The following ARHGEF10 variants were observed in gnomAD, a reference collection of about 807,000 sequenced individuals.
ARHGEF10 encodes the protein Rho guanine nucleotide exchange factor 10, also known as Rho guanine nucleotide exchange factor (GEF) 10.
A neutral mutation model predicts 147.4 loss-of-function variants in ARHGEF10; 140 were observed. The ratio of observed to expected loss-of-function variants is 0.95; its 90% CI spans 0.83 to 1.09. ARHGEF10 has a LOEUF of 1.09. ARHGEF10 is among the 50% of genes least tolerant of loss of function. The pLI is 0.00. For missense variants in ARHGEF10, 2,222 were observed against 1,752.7 expected, an observed-to-expected ratio of 1.27 and a Z score of -4.78; for synonymous variants, 902 against 695.8, an observed-to-expected ratio of 1.30 and a Z score of -4.67.
chr8:1,857,312 T>G (rs1226352037), intron 2 of ARHGEF10, among the ~76,000 whole-genome samples: 1 of 152,198 alleles, frequency 6.6e-6, no homozygotes, highest in Non-Finnish European at 1.5e-5. Context: ...TGGATGATAC[T>G]GAATTCTCTT....
intron 8 of ARHGEF10, among the ~76,000 whole-genome samples, chr8:1,877,480 G>A (rs954388462): frequency 1.3e-5 from 2 of 152,154 alleles, no homozygotes; most frequent in Non-Finnish European, 2.9e-5. Flanking sequence ...TGCCCACCTC[G>A]GCCTCCCAAA....
At chr8:1,849,478 CTGAGGGGGG>C in intron 2 of ARHGEF10, among the ~76,000 whole-genome samples, 2 of 140,306 alleles carry the variant, frequency 1.4e-5, no homozygotes, top group Admixed American at 7.3e-5. Context: ...ACAGCAAATG[CTGAGGGGGG>C]CGTGGGGCAG....
intron 1 of ARHGEF10, among the ~76,000 whole-genome samples, chr8:1,827,953 G>C (rs2129030786): frequency 6.6e-6 from 1 of 152,322 alleles, no homozygotes; most frequent in South Asian, 2.1e-4. Flanking sequence ...ATGGCTGTCT[G>C]CGTAGAATAG....
At chr8:1,894,721 T>C (rs1809833430) in intron 13 of ARHGEF10, 149 bp downstream of exon 13, 1 of 866,294 alleles carries the variant, frequency 1.2e-6, no homozygotes, top group African/African-American at 1.7e-5. Context: ...TGCAATGCCC[T>C]GGCCAAGCGT....
Position 1,951,280 on chromosome 8 carries a change from G to A in ARHGEF10, c.3398-1425G>A, listed in dbSNP as rs58854534. On this transcript the variant is annotated intron_variant, in intron 27 of 28. Coordinates refer to ENST00000349830, the MANE Select transcript of ARHGEF10 (RefSeq NM_014629.4). ...AGCAGCTGGGAATCGCGTACCCTGC[G>A]TATCAGCTTTGAAGCTGCTGCCGTG... is the stretch of plus-strand genomic sequence containing the variant. Among the ~76,000 whole-genome samples the A allele has an allele frequency of 4.0e-3, 613 of 152,364 alleles. 4 individuals carry two copies. Among genetic ancestry groups the A allele is most frequent in the Middle Eastern group, 0.014 (4 of 294 alleles).
chr8:1,869,036 G>A (rs60146165), intron 6 of ARHGEF10, among the ~76,000 whole-genome samples, 158 bp from the exon 7 acceptor site: 2 of 151,724 alleles, frequency 1.3e-5, no homozygotes, highest in East Asian at 1.9e-4. Context: ...TACTAGTTGG[G>A]ACAAAGAACG....
At chr8:1,854,007 G>C (rs1805355822) in intron 2 of ARHGEF10, among the ~76,000 whole-genome samples, 1 of 152,226 alleles carries the variant, frequency 6.6e-6, no homozygotes, top group Non-Finnish European at 1.5e-5. Context: ...TTTCAGCACA[G>C]GGATTTAGGG....
chr8:1,907,147 C>T (rs963584078), intron 17 of ARHGEF10, among the ~76,000 whole-genome samples: 4 of 152,146 alleles, frequency 2.6e-5, no homozygotes, highest in Non-Finnish European at 4.4e-5. Context: ...CTTAGAATTG[C>T]GAGGATGCAG....
rs144054098 is a variant in ARHGEF10 at position 1,926,885 on chromosome 8, G to A, written c.2697+422G>A. Reference sequence around the variant, plus strand: ...TTGCATCTGAAATTAGGCTGGAATTGCAGTAGACGTTCCTGGTTCTTGCAA... The same window carrying A: ...TTGCATCTGAAATTAGGCTGGAATTACAGTAGACGTTCCTGGTTCTTGCAA... On this transcript the variant is annotated intron_variant, in intron 23 of 28. Transcript: ENST00000349830. 1.9e-3 allele frequency: 589 copies of A among 303,602 alleles called. 4 individuals carry two copies. Among genetic ancestry groups the A allele is most frequent in the African/African-American group, 0.012 (540 of 45,038 alleles). 18.8% of individuals were successfully genotyped at this position (303,602 alleles called of 1,614,324 possible).
chr8:1,914,258 G>A (rs1190846514), intron 18 of ARHGEF10, among the ~76,000 whole-genome samples: 1 of 152,338 alleles, frequency 6.6e-6, no homozygotes, highest in Non-Finnish European at 1.5e-5. Context: ...TCCTCATGAG[G>A]CTCCCCTGAG....
At chr8:1,886,254 C>T (rs925198718) in intron 11 of ARHGEF10, among the ~76,000 whole-genome samples, 3 of 152,192 alleles carry the variant, frequency 2.0e-5, no homozygotes, top group African/African-American at 7.2e-5. Flanking sequence ...AGTGACAGCA[C>T]CAAGTTTGCA....
chr8:1,925,799 G>A (rs1418326282), intron 22 of ARHGEF10, among the ~76,000 whole-genome samples: 1 of 152,202 alleles, frequency 6.6e-6, no homozygotes, highest in Non-Finnish European at 1.5e-5. Flanking sequence ...CCCGCTCTTT[G>A]CCTTGGCAGA....
At chr8:1,886,920 G>T (rs750124454) in intron 11 of ARHGEF10, among the ~76,000 whole-genome samples, 6 of 152,166 alleles carry the variant, frequency 3.9e-5, no homozygotes, top group Admixed American at 1.3e-4. Flanking sequence ...ACACGTCCAG[G>T]GGGGTGGTTG....
chr8:1,857,662 C>T (rs985227763), intron 2 of ARHGEF10, among the ~76,000 whole-genome samples: 4 of 152,018 alleles, frequency 2.6e-5, no homozygotes, highest in African/African-American at 9.7e-5. Context: ...TTGTGATCTG[C>T]CCACCTTGGC....
At position 1,898,411 on chromosome 8, in the gene ARHGEF10, ACC is replaced by A; in HGVS notation, c.1558-19_1558-18del. On this transcript the variant is annotated intron_variant, in intron 14 of 28. Coordinates refer to ENST00000349830, the MANE Select transcript of ARHGEF10 (RefSeq NM_014629.4). Reference sequence around the variant, plus strand: ...GGCATGGCAGCCCTGCAGGGAGGTGACCCCGGTGCCTTCCCCCACAGCAGGAA... The same window carrying A: ...GGCATGGCAGCCCTGCAGGGAGGTGACCGGTGCCTTCCCCCACAGCAGGAA... The A allele has an allele frequency of 6.2e-7, 1 of 1,611,394 alleles. No homozygotes were observed. Among genetic ancestry groups the A allele is most frequent in the East Asian group, 2.2e-5 (1 of 44,834 alleles).
intron 26 of ARHGEF10, among the ~76,000 whole-genome samples, 190 bp from the exon 27 acceptor site, chr8:1,945,291 G>A (rs1395654248): frequency 6.6e-6 from 1 of 152,232 alleles, no homozygotes; most frequent in African/African-American, 2.4e-5. Context: ...AAAGGAGCCA[G>A]GATGATTGGA....
At position 1,958,486 on chromosome 8, in the gene ARHGEF10, C is replaced by T. The variant is rs537902995; in HGVS notation, c.*1223C>T. The T allele has an allele frequency of 6.6e-6, 1 of 152,340 alleles. No individual in the cohort carries two copies. Among genetic ancestry groups the T allele is most frequent in the Non-Finnish European group, 1.5e-5 (1 of 68,038 alleles). 9.4% of individuals were successfully genotyped at this position (152,340 alleles called of 1,614,324 possible). ...CAGGCACCAGAAATAAATGTCTCAG[C>T]ACTTTACAGATGACTAAAAATGTTA... On this transcript the variant is annotated 3_prime_UTR_variant, in exon 29 of 29. Coordinates refer to ENST00000349830, the MANE Select transcript of ARHGEF10 (RefSeq NM_014629.4).
chr8:1,914,146 C>T (rs898438547), intron 18 of ARHGEF10, among the ~76,000 whole-genome samples: 9 of 152,210 alleles, frequency 5.9e-5, no homozygotes, highest in African/African-American at 9.7e-5. Flanking sequence ...GAAGTGAGCC[C>T]GGCCGAAGGA....
At chr8:1,890,814 G>A (rs562885542) in intron 11 of ARHGEF10, among the ~76,000 whole-genome samples, 4 of 152,178 alleles carry the variant, frequency 2.6e-5, no homozygotes, top group African/African-American at 9.6e-5. Flanking sequence ...CCTTTTTGTT[G>A]TATGGCACTT....
Sources: allele counts gnomAD v4.1 joint callset (sites outside exome capture counted in the v4.1 genomes callset), GRCh38; gene constraint gnomAD v4.1.1; transcripts MANE v1.5; gene names NCBI Gene and HGNC (gene_info 2026-07-23, HGNC 2026-07-21).